The following CLVS2 variants were observed in gnomAD, a reference collection of about 807,000 sequenced individuals.
The protein encoded by CLVS2 is clavesin 2.
CLVS2 carries 19 observed loss-of-function variants against 29.0 expected under a neutral mutation model. The observed-to-expected ratio is 0.66, with a 90% CI of 0.46 to 0.96. The LOEUF (loss-of-function observed/expected upper bound fraction) is 0.96, where lower values mean the gene tolerates loss of function less well. Ranked by LOEUF, CLVS2 falls within the 40% of genes least tolerant of loss-of-function variation. The pLI is 0.00. For missense variants in CLVS2, 294 were observed against 404.1 expected (o/e 0.73, Z 2.34); for synonymous variants, 161 against 151.3 (o/e 1.06, Z -0.47).
In CLVS2 at chr6:123,043,825, G is replaced by T. The variant is rs117210315; in HGVS notation, c.565-4797G>T. Among the ~76,000 whole-genome samples, 551 of 152,128 alleles carry T rather than the reference G, an allele frequency of 3.6e-3. 27 individuals are homozygous for T. In the East Asian group the frequency reaches 0.088, roughly 24 times the overall value. ...GTATTTATCCTAACACATCATTTTT[G>T]TGTTTCATCAAAATTTATTTAAAAG... On this transcript the variant is annotated intron_variant, in intron 3 of 5. Coordinates refer to ENST00000275162, the MANE Select transcript of CLVS2 (RefSeq NM_001010852.4).
At chr6:123,041,946 C>T (rs1051674562) in intron 3 of CLVS2, among the ~76,000 whole-genome samples, 3 of 151,878 alleles carry the variant, frequency 2.0e-5, no homozygotes, top group Non-Finnish European at 4.4e-5. Flanking sequence ...AAAATATATT[C>T]GTATTTCAAA....
At position 123,013,683 on chromosome 6, in the gene CLVS2, A is replaced by T. The variant is rs184997836; in HGVS notation, c.564+2524A>T. 3.2e-4 allele frequency among the ~76,000 whole-genome samples: 48 copies of T among 151,682 alleles called. No homozygotes were observed. In the East Asian group the frequency reaches 8.8e-3, roughly 28 times the overall value. On this transcript the variant is annotated intron_variant, in intron 3 of 5. Coordinates refer to ENST00000275162, the MANE Select transcript of CLVS2 (RefSeq NM_001010852.4). ...TTTTATTTTATTATTATTATACTTTAAGTTTTAGGGTACATGTGCACATTG... is the reference window on the plus strand; with the variant it reads ...TTTTATTTTATTATTATTATACTTTTAGTTTTAGGGTACATGTGCACATTG...
chr6:123,056,062 A>G (rs954452562), intron 5 of CLVS2, 36 bp downstream of exon 5: 4 of 1,454,612 alleles, frequency 2.7e-6, no homozygotes, highest in African/African-American at 2.8e-5. Flanking sequence ...GGGCTGGGCC[A>G]GGGCAGGGAG....
chr6:123,036,632 C>T (rs979542414), intron 3 of CLVS2, among the ~76,000 whole-genome samples: 1 of 152,122 alleles, frequency 6.6e-6, no homozygotes, highest in African/African-American at 2.4e-5. Flanking sequence ...TCCCCTTTTC[C>T]CTTCACCTTT....
At chr6:123,021,005 C>T (rs945070387) in intron 3 of CLVS2, among the ~76,000 whole-genome samples, 2 of 150,398 alleles carry the variant, frequency 1.3e-5, no homozygotes, top group Non-Finnish European at 3.0e-5. Context: ...TTTCGTTAGA[C>T]TCAATCTTAA....
chr6:123,063,400 G>A (rs993507560), intron 5 of CLVS2, among the ~76,000 whole-genome samples: 1 of 152,018 alleles, frequency 6.6e-6, no homozygotes, highest in Non-Finnish European at 1.5e-5. Context: ...TTCCCTAACT[G>A]TGAAGAGCTC....
chr6:123,019,654 C>G (rs1305695740), intron 3 of CLVS2, among the ~76,000 whole-genome samples: 1 of 151,996 alleles, frequency 6.6e-6, no homozygotes, highest in Admixed American at 6.6e-5. Flanking sequence ...GTAAATTATT[C>G]CTGTAAATTC....
At chr6:123,042,399 C>A (rs1775246744) in intron 3 of CLVS2, among the ~76,000 whole-genome samples, 1 of 152,162 alleles carries the variant, frequency 6.6e-6, no homozygotes, top group Non-Finnish European at 1.5e-5. Flanking sequence ...GGCTTCTACA[C>A]AATTCCTTGC....
intron 3 of CLVS2, among the ~76,000 whole-genome samples, chr6:123,040,088 A>G (rs911560665): frequency 6.6e-6 from 1 of 152,176 alleles, no homozygotes; most frequent in African/African-American, 2.4e-5. Flanking sequence ...GGTGGGTTGT[A>G]TCTGAAGTGC....
intron 3 of CLVS2, among the ~76,000 whole-genome samples, chr6:123,014,010 C>T (rs1171239681): frequency 6.6e-6 from 1 of 152,118 alleles, no homozygotes; most frequent in Non-Finnish European, 1.5e-5. Context: ...TTTATGGCTG[C>T]ATAGTATTCC....
chr6:122,999,583 T>C lies in CLVS2; in HGVS notation c.389+1417T>C, dbSNP rs117969219. ...ACAACTTTTTATTCATTGACCACAA[T>C]TTTTGTTTAAAAATGTTTTCTTTTC... On this transcript the variant is annotated intron_variant, in intron 2 of 5. Coordinates refer to ENST00000275162, the MANE Select transcript of CLVS2 (RefSeq NM_001010852.4). 6.5e-3 allele frequency among the ~76,000 whole-genome samples: 994 copies of C among 152,326 alleles called. 4 individuals are homozygous for C. The highest frequency in any genetic ancestry group is 9.9e-3 in the Non-Finnish European group (673 of 68,010).
intron 3 of CLVS2, among the ~76,000 whole-genome samples, chr6:123,042,518 C>T (rs1289076121): frequency 2.0e-5 from 3 of 152,054 alleles, no homozygotes; most frequent in Non-Finnish European, 2.9e-5. Context: ...GTGTACAATC[C>T]CAATTTAAAC....
intron 4 of CLVS2, among the ~76,000 whole-genome samples, chr6:123,050,664 T>C (rs973611107): frequency 1.3e-5 from 2 of 151,804 alleles, no homozygotes; most frequent in African/African-American, 4.8e-5. Context: ...GAGTAGGTGG[T>C]AGAGGATGGG....
In CLVS2 at chr6:123,011,017, T is replaced by TA; in HGVS notation, c.423dup (p.Leu142ThrfsTer8). On this transcript the variant is annotated frameshift_variant, in exon 3 of 6. Coordinates refer to ENST00000275162, the MANE Select transcript of CLVS2 (RefSeq NM_001010852.4). LOFTEE classifies it high-confidence loss of function. ...CTGGTGGATATTTTGCGTGCCATCT[T>TA]ACTTTCTTTAGAAGCCATGATTGAA... 6.2e-7 allele frequency: 1 copy of TA among 1,606,754 alleles called. No homozygotes were observed. Among genetic ancestry groups the TA allele is most frequent in the Non-Finnish European group, 8.5e-7 (1 of 1,176,038 alleles).
Position 123,055,707 on chromosome 6 carries a change from A to G in CLVS2, c.676-99A>G, listed in dbSNP as rs191818886. ...GTACTTTAACAGACATGCGAAACTC[A>G]TATTTGCTATTGCTATCCTCACATC... On this transcript the variant is annotated intron_variant, in intron 4 of 5. Coordinates refer to ENST00000275162, the MANE Select transcript of CLVS2 (RefSeq NM_001010852.4). 66 of 819,906 alleles carry G rather than the reference A, an allele frequency of 8.0e-5. No homozygotes were observed. The East Asian group carries it at 1.4e-3, about 17-fold the overall frequency. 50.8% of individuals were successfully genotyped at this position (819,906 alleles called of 1,614,324 possible).
At chr6:123,043,872 C>T (rs913047081) in intron 3 of CLVS2, among the ~76,000 whole-genome samples, 1 of 152,050 alleles carries the variant, frequency 6.6e-6, no homozygotes, top group Non-Finnish European at 1.5e-5. Context: ...TGCTATGGTT[C>T]GGATTCTTTA....
chr6:123,010,673 C>T (rs1268665036), intron 2 of CLVS2, among the ~76,000 whole-genome samples: 5 of 151,920 alleles, frequency 3.3e-5, no homozygotes, highest in East Asian at 3.9e-4. Context: ...CCACTTAAAA[C>T]GTGTGATGCC....
At chr6:123,038,159 T>C (rs1775180587) in intron 3 of CLVS2, among the ~76,000 whole-genome samples, 1 of 152,200 alleles carries the variant, frequency 6.6e-6, no homozygotes. Context: ...CAGATTCTTA[T>C]TGACACTTCT....
In CLVS2 at chr6:123,065,897, T is replaced by C. The variant is rs1772847473; in HGVS notation, c.*2136T>C. ...CCTATCGTAAAGTTAGTGTCATATA[T>C]AAAAATAACTAGAAAGGCATATTTT... On this transcript the variant is annotated 3_prime_UTR_variant, in exon 6 of 6. Transcript: ENST00000275162. The C allele has an allele frequency of 6.6e-6, 1 of 151,648 alleles. No homozygotes were observed. Among genetic ancestry groups the C allele is most frequent in the African/African-American group, 2.4e-5 (1 of 41,380 alleles). 9.4% of individuals were successfully genotyped at this position (151,648 alleles called of 1,614,324 possible). A position where few individuals can be genotyped will look rare whatever the true frequency, so the allele number is the denominator to read the frequency against.
Sources: gnomAD v4.1 joint callset for allele counts (sites outside exome capture counted in the v4.1 genomes callset) on GRCh38, gnomAD v4.1.1 for gene constraint, MANE v1.5 for transcripts, NCBI Gene and HGNC (gene_info 2026-07-23, HGNC 2026-07-21) for gene names.